Variants in AMPD2 observed in about 807,000 individuals in gnomAD.
AMPD2 encodes the protein adenosine monophosphate deaminase 2, also known as AMP deaminase 2.
AMPD2 carries 52 observed loss-of-function variants against 91.3 expected under a neutral mutation model. The ratio of observed to expected loss-of-function variants is 0.57; its 90% confidence interval spans 0.46 to 0.72. AMPD2 has a LOEUF of 0.72. Among genes scored for constraint, AMPD2 ranks in the 30% least tolerant of loss-of-function variants. AMPD2 has a pLI of 0.00. For missense variants in AMPD2, 822 were observed against 1,122.3 expected, an observed-to-expected ratio of 0.73 and a Z score of 3.82; for synonymous variants, 455 against 456.4, an observed-to-expected ratio of 1.00 and a Z score of 0.04.
chr1:109,626,432 G>A lies in AMPD2; in HGVS notation c.531+5G>A. 4 of 1,601,314 alleles carry A rather than the reference G, an allele frequency of 2.5e-6. No individual in the cohort carries two copies. The highest frequency in any genetic ancestry group is 3.4e-6 in the Non-Finnish European group (4 of 1,174,688). The stretch of plus-strand genomic sequence containing the variant: ...TCTGGGGAGGAGAAGTGTGGGGTAA[G>A]TATGGGGTGTATGTTGGGTGAGTCG... On this transcript the variant is annotated splice_donor_5th_base_variant and intron_variant, in intron 6 of 18. Transcript: ENST00000528667.
rs773433343 is a variant in AMPD2, at chr1:109,625,760, G to A, written c.321G>A (p.Gln107=). ...TTGAACAGCTGGAGGAGCGGCGGCA[G>A]CGGCTGGAGCGGCAGATCAGCCAGG... ...SPIEQLEERR[Q]RLERQISQDV... The change falls in exon 4 of 19, where the codon CAG becomes CAA. Residue 107 remains glutamine, a synonymous_variant. Transcript: ENST00000528667. The surrounding 1 kb of genome is among the most constrained non-coding windows in gnomAD (Gnocchi z 4.0). 5.0e-6 allele frequency: 8 copies of A among 1,613,936 alleles called. No individual in the cohort carries two copies. In the Admixed American group the frequency reaches 1.0e-4, roughly 20 times the overall value.
chr1:109,630,860 G>T, intron 18 of AMPD2, 67 bp downstream of exon 18: 3 of 1,597,724 alleles, frequency 1.9e-6, no homozygotes, highest in Non-Finnish European at 2.6e-6. Context: ...TTGGGGTCCT[G>T]ACCTGTCCCT....
chr1:109,630,143 C>T (rs1651086647), intron 16 of AMPD2, 90 bp from the exon 17 acceptor site: 2 of 1,449,370 alleles, frequency 1.4e-6, no homozygotes, highest in Non-Finnish European at 1.9e-6. Flanking sequence ...CTCCCCCTGC[C>T]CTCTGCTGTG....
At position 109,625,624 on chromosome 1, in the gene AMPD2, G is replaced by C; in HGVS notation, c.223-38G>C. On this transcript the variant is annotated intron_variant, in intron 3 of 18. Transcript: ENST00000528667. The surrounding 1 kb of genome is among the most constrained non-coding windows in gnomAD (Gnocchi z 4.0). ...CTCTGTAGGAGAGTGCCCGAGGGCG[G>C]AGGGCCAGCCATGCTGACCTTCCTT... 1 of 1,610,092 alleles carries C rather than the reference G, an allele frequency of 6.2e-7. No individual in the cohort carries two copies. Among genetic ancestry groups the C allele is most frequent in the Non-Finnish European group, 8.5e-7 (1 of 1,176,994 alleles).
chr1:109,630,203 A>T, intron 16 of AMPD2, 30 bp from the exon 17 acceptor site: 1 of 1,608,118 alleles, frequency 6.2e-7, no homozygotes, highest in Non-Finnish European at 8.5e-7. Flanking sequence ...GGGCCACCTG[A>T]CAGGCCCTCC....
intron 1 of AMPD2, 36 bp from the exon 2 acceptor site, chr1:109,620,875 ATCT>A: frequency 7.0e-7 from 1 of 1,438,682 alleles, no homozygotes; most frequent in Non-Finnish European, 9.1e-7. Context: ...GCCCTTCCCC[ATCT>A]TCTTTTCTAC....
Position 109,626,773 on chromosome 1 carries a change from G to C in AMPD2, c.579G>C (p.Ala193=). ...LLDAAKSVVR[A]LFIREKYMAL... ...ATGCAGCCAAGAGTGTGGTGCGGGC[G>C]CTCTTCATCCGGGAGAAGTACATGG... is the stretch of plus-strand genomic sequence containing the variant. The change falls in exon 7 of 19, where the codon GCG becomes GCC. Residue 193 remains alanine, a synonymous_variant. Coordinates refer to ENST00000528667, the MANE Select transcript of AMPD2 (RefSeq NM_001368809.2). 6.2e-7 allele frequency: 1 copy of C among 1,613,720 alleles called. No individual in the cohort carries two copies. Among genetic ancestry groups the C allele is most frequent in the South Asian group, 1.1e-5 (1 of 91,080 alleles).
chr1:109,629,128 G>A lies in AMPD2; in HGVS notation c.1591G>A (p.Gly531Ser). ...PRLFDVYRTK[G>S]QLANFQEMLE... ...CTGCAGTGATGTGTACCGTACCAAG[G>A]GCCAGCTGGCCAACTTCCAGGAGAT... Residue 531 changes from glycine (G) to serine (S), a missense_variant, in exon 14 of 19, where the codon GGC becomes AGC. Physicochemically the swap from Gly to Ser is moderately conservative, Grantham distance 56 (BLOSUM62 0). This residue lies in a region of AMPD2 where 430 missense variants were observed against 606.0 expected (regional missense o/e 0.71). Coordinates refer to ENST00000528667, the MANE Select transcript of AMPD2 (RefSeq NM_001368809.2). 6.2e-7 allele frequency: 1 copy of A among 1,613,868 alleles called. No individual in the cohort carries two copies. The highest frequency in any genetic ancestry group is 8.5e-7 in the Non-Finnish European group (1 of 1,179,954).
In AMPD2 at chr1:109,630,431, C is replaced by T. The variant is rs771828540; in HGVS notation, c.2157+25C>T. 2.5e-5 allele frequency: 29 copies of T among 1,159,660 alleles called. No homozygotes were observed. The East Asian group carries it at 1.1e-3, about 44-fold the overall frequency. 71.8% of individuals were successfully genotyped at this position (1,159,660 alleles called of 1,614,324 possible). A position where few individuals can be genotyped will look rare whatever the true frequency, so the allele number is the denominator to read the frequency against. ...GGTCAGAGCCCAGCAGGCAGCCAGG[C>T]GGGCGGGCGTCCCAGGACGCTGGGG... On this transcript the variant is annotated intron_variant, in intron 17 of 18. Transcript: ENST00000528667.
intron 9 of AMPD2, 21 bp from the exon 10 acceptor site, chr1:109,627,753 C>T (rs376910769): frequency 6.1e-5 from 99 of 1,613,240 alleles, no homozygotes; most frequent in Non-Finnish European, 8.1e-5. Flanking sequence ...TAAGTCCCTG[C>T]CTTGTTCTCC....
chr1:109,628,075 C>T lies in AMPD2; in HGVS notation c.1081-8C>T. On this transcript the variant is annotated splice_region_variant and splice_polypyrimidine_tract_variant and intron_variant, in intron 10 of 18. Coordinates refer to ENST00000528667, the MANE Select transcript of AMPD2 (RefSeq NM_001368809.2). The surrounding 1 kb of genome is among the most constrained non-coding windows in gnomAD (Gnocchi z 7.1). ...CTGGTGGATCAGCAGTGCCCTGTTC[C>T]ATTCCAGGTGGACACCCACATCCAT... is the stretch of plus-strand genomic sequence containing the variant. 1.9e-6 allele frequency: 3 copies of T among 1,612,208 alleles called. No homozygotes were observed. Among genetic ancestry groups the T allele is most frequent in the East Asian group, 4.5e-5 (2 of 44,858 alleles).
intron 2 of AMPD2, 178 bp downstream of exon 2, chr1:109,621,444 G>A (rs1485780427): frequency 4.6e-6 from 3 of 657,088 alleles, no homozygotes; most frequent in African/African-American, 1.8e-5. Flanking sequence ...GGTGGTGGGG[G>A]GCGGGGGGTG....
At position 109,631,054 on chromosome 1, in the gene AMPD2, T is replaced by C; in HGVS notation, c.2380T>C (p.Cys794Arg). 6.2e-7 allele frequency: 1 copy of C among 1,614,110 alleles called. No individual in the cohort carries two copies. The highest frequency in any genetic ancestry group is 8.5e-7 in the Non-Finnish European group (1 of 1,180,016). Reference sequence around the variant, plus strand: ...CGTGGGCTACCGCTACGAGACCCTGTGCCAGGAGCTGGCGCTCATCACGCA... The same window carrying C: ...CGTGGGCTACCGCTACGAGACCCTGCGCCAGGAGCTGGCGCTCATCACGCA... Reference protein sequence around the residue: ...IRVGYRYETLCQELALITQAV... With the variant: ...IRVGYRYETLRQELALITQAV... The change falls in exon 19 of 19, where the codon TGC (cysteine) becomes CGC (arginine). Residue 794 changes from cysteine (C) to arginine (R), a missense_variant. Around this residue, in one of 5 missense-constraint regions of AMPD2, gnomAD observed 430 missense variants for 606.0 expected, o/e 0.71. Coordinates refer to ENST00000528667, the MANE Select transcript of AMPD2 (RefSeq NM_001368809.2).
Position 109,625,477 on chromosome 1 carries a change from C to T in AMPD2, c.222+44C>T, listed in dbSNP as rs1650588003. The T allele has an allele frequency of 6.2e-7, 1 of 1,612,346 alleles. No individual in the cohort carries two copies. The highest frequency in any genetic ancestry group is 1.3e-5 in the African/African-American group (1 of 74,916). Reference sequence around the variant, plus strand: ...CGCACCCTCACCCCGTGTCTCCATGCCCTGCCTCTGCTCCCCACACCCCTC... The same window carrying T: ...CGCACCCTCACCCCGTGTCTCCATGTCCTGCCTCTGCTCCCCACACCCCTC... On this transcript the variant is annotated intron_variant, in intron 3 of 18. Transcript: ENST00000528667. This position sits in a 1 kb window ranked among gnomAD's most constrained non-coding sequence, Gnocchi z 4.0.
chr1:109,631,558 A>C lies in AMPD2; in HGVS notation c.*406A>C. 1 of 272,824 alleles carries C rather than the reference A, an allele frequency of 3.7e-6. No homozygotes were observed. Among genetic ancestry groups the C allele is most frequent in the South Asian group, 3.9e-5 (1 of 25,528 alleles). 16.9% of individuals were successfully genotyped at this position (272,824 alleles called of 1,614,324 possible). On this transcript the variant is annotated 3_prime_UTR_variant, in exon 19 of 19. Coordinates refer to ENST00000528667, the MANE Select transcript of AMPD2 (RefSeq NM_001368809.2). ...CGAAGTTTAGGCCCCTGTCTTGTTC[A>C]TGTAGCCGAGGGGCAGGCGGGGGAC...
rs1200670168 is a variant in AMPD2, at chr1:109,619,964, A to T, written c.-577A>T. On this transcript the variant is annotated 5_prime_UTR_variant, in exon 1 of 19. Transcript: ENST00000528667. Reference sequence around the variant, plus strand: ...CCAGGGAGTGTTGAGAGAAATCTGGACGAGTTTCGGGTCCCGCTCCCTTGG... The same window carrying T: ...CCAGGGAGTGTTGAGAGAAATCTGGTCGAGTTTCGGGTCCCGCTCCCTTGG... 9 of 445,766 alleles carry T rather than the reference A, an allele frequency of 2.0e-5. No individual in the cohort carries two copies. The highest frequency in any genetic ancestry group is 3.8e-5 in the Non-Finnish European group (9 of 239,176). 27.6% of individuals were successfully genotyped at this position (445,766 alleles called of 1,614,324 possible). A position where few individuals can be genotyped will look rare whatever the true frequency, so the allele number is the denominator to read the frequency against.
In AMPD2 at chr1:109,628,535, G is replaced by T. The variant is rs772851250; in HGVS notation, c.1407+40G>T. Reference sequence around the variant, plus strand: ...TTCCCTGCCAAGCCTCGAGCCTGAGGATCTGGGGGCTTTTAGGGGGTGAGA... The same window carrying T: ...TTCCCTGCCAAGCCTCGAGCCTGAGTATCTGGGGGCTTTTAGGGGGTGAGA... On this transcript the variant is annotated intron_variant, in intron 12 of 18. Coordinates refer to ENST00000528667, the MANE Select transcript of AMPD2 (RefSeq NM_001368809.2). This position sits in a 1 kb window ranked among gnomAD's most constrained non-coding sequence, Gnocchi z 7.1. 4 of 1,612,330 alleles carry T rather than the reference G, an allele frequency of 2.5e-6. No individual in the cohort carries two copies. The East Asian group carries it at 8.9e-5, about 36-fold the overall frequency.
In AMPD2 at chr1:109,624,775, A is replaced by G. The variant is rs1201498858; in HGVS notation, c.92-528A>G. 1.3e-5 allele frequency among the ~76,000 whole-genome samples: 2 copies of G among 152,092 alleles called. No homozygotes were observed. Among genetic ancestry groups the G allele is most frequent in the Non-Finnish European group, 2.9e-5 (2 of 67,988 alleles). On this transcript the variant is annotated intron_variant, in intron 2 of 18. Transcript: ENST00000528667. The surrounding 1 kb of genome is among the most constrained non-coding windows in gnomAD (Gnocchi z 5.2). ...TTCTCTTGTGCTGCACAGGTCTAGG[A>G]TGTCAGGCACAGGGCCCTGCCCCTT...
intron 2 of AMPD2, chr1:109,622,400 T>A: frequency 2.4e-6 from 1 of 420,128 alleles, no homozygotes; most frequent in South Asian, 1.7e-5. Context: ...GACACCCCTG[T>A]GCCTACTGAG....
Sources: allele counts gnomAD v4.1 joint callset (sites outside exome capture counted in the v4.1 genomes callset), GRCh38; gene constraint gnomAD v4.1.1; regional missense constraint gnomAD v4.1.1; non-coding constraint Gnocchi (gnomAD v3.1); transcripts MANE v1.5; gene names NCBI Gene and HGNC (gene_info 2026-07-23, HGNC 2026-07-21).